Variants in SLC25A3 observed in about 807,000 individuals in gnomAD.
The protein encoded by SLC25A3 is phosphate transport protein.
In SLC25A3, 14 loss-of-function variants were observed where a neutral mutation model predicts 37.1. That is an observed-to-expected ratio of 0.38 (90% CI 0.25 to 0.59). The LOEUF (loss-of-function observed/expected upper bound fraction) is 0.59, where lower values mean the gene tolerates loss of function less well. SLC25A3 is among the 20% of genes least tolerant of loss of function. The pLI is 0.67. For missense variants in SLC25A3, 385 were observed against 458.1 expected, an observed-to-expected ratio of 0.84 and a Z score of 1.46; for synonymous variants, 161 against 168.7, an observed-to-expected ratio of 0.95 and a Z score of 0.36.
At chr12:98,597,671 G>A in intron 3 of SLC25A3, 185 bp from the exon 4 acceptor site, 1 of 711,366 alleles carries the variant, frequency 1.4e-6, no homozygotes, top group Non-Finnish European at 2.2e-6. Context: ...TAATCCACCT[G>A]CCTCAGCCTC....
chr12:98,599,567 A>G (rs540152412), intron 5 of SLC25A3: 6 of 466,260 alleles, frequency 1.3e-5, no homozygotes, highest in African/African-American at 4.0e-5. Context: ...AACATTTACT[A>G]TTAACTTTTA....
rs1372472450 is a variant in SLC25A3 at position 98,603,858 on chromosome 12, CT to C, written c.*2331del. 6.6e-6 allele frequency: 1 copy of C among 152,076 alleles called. No individual in the cohort carries two copies. The highest frequency in any genetic ancestry group is 1.5e-5 in the Non-Finnish European group (1 of 68,034). 9.4% of individuals were successfully genotyped at this position (152,076 alleles called of 1,614,324 possible). ...GGTTTTTAAATTATACTAAAAGATT[CT>C]AGTAAGAAAATTTTAATATGTATGT... On this transcript the variant is annotated 3_prime_UTR_variant, in exon 8 of 8. Transcript: ENST00000552981.
Position 98,605,530 on chromosome 12 carries a change from A to C in SLC25A3, c.*4002A>C, listed in dbSNP as rs1036598610. The C allele has an allele frequency of 6.6e-6, 1 of 152,214 alleles. No homozygotes were observed. The highest frequency in any genetic ancestry group is 1.5e-5 in the Non-Finnish European group (1 of 68,042). The allele number at this position is 152,214 out of a possible 1,614,324, so 9.4% of individuals were successfully genotyped here. A position where few individuals can be genotyped will look rare whatever the true frequency, so the allele number is the denominator to read the frequency against. On this transcript the variant is annotated 3_prime_UTR_variant, in exon 8 of 8. Coordinates refer to ENST00000552981, the MANE Select transcript of SLC25A3 (RefSeq NM_002635.4). Reference sequence around the variant, plus strand: ...TTGCTTCTATAGCATCAGAAATTGTATATCAGGCCAGGTGCAAAAGCTCAC... The same window carrying C: ...TTGCTTCTATAGCATCAGAAATTGTCTATCAGGCCAGGTGCAAAAGCTCAC...
Position 98,595,534 on chromosome 12 carries a change from G to A in SLC25A3, c.158-193G>A. 1.9e-6 allele frequency: 3 copies of A among 1,614,192 alleles called. No homozygotes were observed. The highest frequency in any genetic ancestry group is 1.7e-6 in the Non-Finnish European group (2 of 1,180,018). On this transcript the variant is annotated intron_variant, in intron 2 of 7. Coordinates refer to ENST00000552981, the MANE Select transcript of SLC25A3 (RefSeq NM_002635.4). ...AACACATACAGCATTGGTTCCTCTA[G>A]ATCTGGTTAAATGCAGAATGCAGGT...
chr12:98,594,660 T>G, intron 2 of SLC25A3: 3 of 394,304 alleles, frequency 7.6e-6, no homozygotes, highest in Non-Finnish European at 1.4e-5. Context: ...CAGCCCTACA[T>G]AGGCAATAGA....
chr12:98,600,247 G>T lies in SLC25A3; in HGVS notation c.814+120G>T. ...TATAAAGCAGTGTTTTTGTTTTTTT[G>T]GTTTCCCTGAGGCATAGTCTCGCTC... On this transcript the variant is annotated intron_variant, in intron 6 of 7. Coordinates refer to ENST00000552981, the MANE Select transcript of SLC25A3 (RefSeq NM_002635.4). The T allele has an allele frequency of 3.9e-6, 3 of 777,766 alleles. No homozygotes were observed. In the Admixed American group the frequency reaches 6.0e-5, roughly 16 times the overall value. 48.2% of individuals were successfully genotyped at this position (777,766 alleles called of 1,614,324 possible).
At chr12:98,596,001 G>A (rs991485492) in intron 3 of SLC25A3, among the ~76,000 whole-genome samples, 153 bp downstream of exon 3, 3 of 152,206 alleles carry the variant, frequency 2.0e-5, no homozygotes, top group African/African-American at 7.2e-5. Flanking sequence ...ATTTTGACTA[G>A]TGTTTTAAAT....
intron 2 of SLC25A3, 105 bp downstream of exon 2, chr12:98,594,240 C>G (rs778248567): frequency 1.0e-5 from 10 of 975,468 alleles, no homozygotes; most frequent in Admixed American, 2.0e-5. Context: ...GAGTCCAGCC[C>G]GCTGCACCGT....
intron 2 of SLC25A3, chr12:98,595,272 T>A (rs2097591970): frequency 1.5e-6 from 1 of 668,526 alleles, no homozygotes; most frequent in South Asian, 1.8e-5. Context: ...TTTTAAATGA[T>A]CTGAATTTGG....
chr12:98,597,621 A>G, intron 3 of SLC25A3: 1 of 481,782 alleles, frequency 2.1e-6, no homozygotes, highest in Non-Finnish European at 3.7e-6. Flanking sequence ...ATGGGGTTTC[A>G]CTGTGTTGCC....
rs1330369126 is a variant in SLC25A3 at position 98,606,355 on chromosome 12, A to G, written c.*4827A>G. 2.6e-5 allele frequency: 4 copies of G among 152,244 alleles called. No homozygotes were observed. The highest frequency in any genetic ancestry group is 9.6e-5 in the African/African-American group (4 of 41,462). 9.4% of individuals were successfully genotyped at this position (152,244 alleles called of 1,614,324 possible). A position where few individuals can be genotyped will look rare whatever the true frequency, so the allele number is the denominator to read the frequency against. On this transcript the variant is annotated 3_prime_UTR_variant, in exon 8 of 8. Transcript: ENST00000552981. Reference sequence around the variant, plus strand: ...GTAAAAATTAAAAAATTAAACATAAATAAAAGTTCAAACTATGTGTTGAAT... The same window carrying G: ...GTAAAAATTAAAAAATTAAACATAAGTAAAAGTTCAAACTATGTGTTGAAT...
chr12:98,594,233 TC>T, intron 2 of SLC25A3, 98 bp downstream of exon 2: 1 of 1,024,372 alleles, frequency 9.8e-7, no homozygotes, highest in Non-Finnish European at 1.5e-6. Context: ...GAAGGACGAG[TC>T]CAGCCCGCTG....
chr12:98,595,749 C>T lies in SLC25A3; in HGVS notation c.180C>T (p.Ser60=), dbSNP rs762605379. 11 of 1,613,966 alleles carry T rather than the reference C, an allele frequency of 6.8e-6. No individual in the cohort carries two copies. Among genetic ancestry groups the T allele is most frequent in the South Asian group, 1.1e-5 (1 of 91,086 alleles). Residue 60 remains serine (S), a synonymous_variant, in exon 3 of 8, where the codon TCC becomes TCT. Coordinates refer to ENST00000552981, the MANE Select transcript of SLC25A3 (RefSeq NM_002635.4). ...AVEEYSCEFG[S]AKYYALCGFG... ...CAGAGTACAGTTGTGAATTTGGCTC[C>T]GCGAAGTATTATGCACTGTGTGGCT...
intron 2 of SLC25A3, chr12:98,594,443 GTAC>G: frequency 1.5e-6 from 1 of 680,092 alleles, no homozygotes; most frequent in Non-Finnish European, 2.7e-6. Flanking sequence ...AGCAAACTAA[GTAC>G]TGGGTAAACT....
intron 3 of SLC25A3, 116 bp from the exon 4 acceptor site, chr12:98,597,740 C>T (rs1053353674): frequency 1.9e-5 from 28 of 1,438,932 alleles, no homozygotes; most frequent in Non-Finnish European, 2.5e-5. Context: ...ACTGTAGTTA[C>T]CTTTTGTGTA....
rs2097601016 is a variant in SLC25A3, at chr12:98,606,009, G to T, written c.*4481G>T. ...ACGTGCCTGTAATCTCAGCTACTTA[G>T]GAAGCTGAAGGAGGATCGTCTGAGC... On this transcript the variant is annotated 3_prime_UTR_variant, in exon 8 of 8. Transcript: ENST00000552981. 6.6e-6 allele frequency: 1 copy of T among 152,022 alleles called. No individual in the cohort carries two copies. The allele number at this position is 152,022 out of a possible 1,614,324, so 9.4% of individuals were successfully genotyped here.
At position 98,606,108 on chromosome 12, in the gene SLC25A3, T is replaced by C. The variant is rs185812541; in HGVS notation, c.*4580T>C. ...GCCTGGGCGACAGAGTGATAACCTG[T>C]CTAAAAAAATAAAAATAAATTGTAT... On this transcript the variant is annotated 3_prime_UTR_variant, in exon 8 of 8. Transcript: ENST00000552981. The C allele has an allele frequency of 8.5e-4, 129 of 152,102 alleles. No individual in the cohort carries two copies. The highest frequency in any genetic ancestry group is 3.0e-3 in the African/African-American group (125 of 41,400). The allele number at this position is 152,102 out of a possible 1,614,324, so 9.4% of individuals were successfully genotyped here. A position where few individuals can be genotyped will look rare whatever the true frequency, so the allele number is the denominator to read the frequency against.
chr12:98,594,795 C>T (rs1446795236), intron 2 of SLC25A3: 1 of 192,088 alleles, frequency 5.2e-6, no homozygotes, highest in Admixed American at 5.4e-5. Flanking sequence ...ACAGAGAAAC[C>T]TGAAAACCGA....
At chr12:98,598,269 A>C in intron 4 of SLC25A3, 1 of 692,908 alleles carries the variant, frequency 1.4e-6, no homozygotes, top group Non-Finnish European at 2.4e-6. Context: ...TTGGATTTTG[A>C]GTTTTTTAGA....
Sources: allele counts gnomAD v4.1 joint callset (sites outside exome capture counted in the v4.1 genomes callset), GRCh38; gene constraint gnomAD v4.1.1; transcripts MANE v1.5; gene names NCBI Gene and HGNC (gene_info 2026-07-23, HGNC 2026-07-21).